RANBP2: variants seen among roughly 807,000 people sequenced by gnomAD.
The protein encoded by RANBP2 is E3 SUMO-protein ligase RanBP2.
In RANBP2, 57 loss-of-function variants were observed where a neutral mutation model predicts 303.6. The ratio of observed to expected loss-of-function variants is 0.19; its 90% confidence interval spans 0.15 to 0.23. The LOEUF is 0.23. Among genes scored for constraint, RANBP2 ranks in the 10% least tolerant of loss-of-function variants. The probability of loss-of-function intolerance (pLI) is 1.00; values close to 1 mark genes in which losing one functional copy is unlikely to be tolerated. For synonymous variants in RANBP2, 1,167 were observed against 1,301.5 expected, an observed-to-expected ratio of 0.90 and a Z score of 2.23; for missense variants, 3,138 against 3,780.8, an observed-to-expected ratio of 0.83 and a Z score of 4.46.
the RANBP2 span, among the ~76,000 whole-genome samples, chr2:109,478,389 G>A: frequency 6.6e-6 from 1 of 152,170 alleles, no homozygotes; most frequent in East Asian, 1.9e-4. Context: ...AAATCAAGAT[G>A]GGCCCTCCAG....
At chr2:109,003,035 G>A in the RANBP2 span, among the ~76,000 whole-genome samples, 2 of 151,678 alleles carry the variant, frequency 1.3e-5, no homozygotes, top group Admixed American at 6.6e-5. Context: ...GTGAAACCCC[G>A]TCTCTACGAA....
chr2:108,958,648 G>A, the RANBP2 span, among the ~76,000 whole-genome samples: 2 of 152,192 alleles, frequency 1.3e-5, no homozygotes, highest in Non-Finnish European at 2.9e-5. Flanking sequence ...CCAGGAGTCA[G>A]TCTCTGTAGT....
chr2:108,928,684 G>A, the RANBP2 span, among the ~76,000 whole-genome samples: 1 of 152,168 alleles, frequency 6.6e-6, no homozygotes, highest in South Asian at 2.1e-4. Context: ...GAGGTGTCAT[G>A]CCTGGAAAAA....
At chr2:109,139,225 T>G in the RANBP2 span, among the ~76,000 whole-genome samples, 1 of 152,230 alleles carries the variant, frequency 6.6e-6, no homozygotes, top group South Asian at 2.1e-4. Context: ...CCAGATGTGT[T>G]TGCATGAGAA....
the RANBP2 span, among the ~76,000 whole-genome samples, chr2:109,339,763 C>T: frequency 3.3e-5 from 5 of 152,206 alleles, no homozygotes; most frequent in Admixed American, 3.3e-4. Flanking sequence ...CATGGGATCT[C>T]TTCCCAGAAA....
At chr2:109,649,147 A>G in the RANBP2 span, among the ~76,000 whole-genome samples, 12 of 152,316 alleles carry the variant, frequency 7.9e-5, no homozygotes, top group African/African-American at 2.6e-4. Flanking sequence ...ATTGCAAACT[A>G]GGAAATAAAC....
chr2:108,916,892 G>C, the RANBP2 span, among the ~76,000 whole-genome samples: 1 of 152,168 alleles, frequency 6.6e-6, no homozygotes, highest in Non-Finnish European at 1.5e-5. Flanking sequence ...GACTGGTCAG[G>C]AGAATCACAG....
the RANBP2 span, among the ~76,000 whole-genome samples, chr2:109,141,948 G>A: frequency 4.1e-4 from 63 of 152,164 alleles, no homozygotes; most frequent in Non-Finnish European, 7.1e-4. Context: ...TACACTCACG[G>A]AAGTCTCAAA....
the RANBP2 span, among the ~76,000 whole-genome samples, chr2:109,275,524 T>C: frequency 7.2e-5 from 11 of 152,256 alleles, no homozygotes; most frequent in South Asian, 2.3e-3. Context: ...GATGACCTAG[T>C]TGACTAGAAA....
chr2:109,207,752 A>G, the RANBP2 span, among the ~76,000 whole-genome samples: 1 of 151,878 alleles, frequency 6.6e-6, no homozygotes, highest in South Asian at 2.1e-4. Flanking sequence ...TATGTTGTAA[A>G]TTGCTAAAAT....
At chr2:109,610,817 T>C in the RANBP2 span, among the ~76,000 whole-genome samples, 1 of 152,230 alleles carries the variant, frequency 6.6e-6, no homozygotes, top group East Asian at 1.9e-4. Context: ...AAACATTTAA[T>C]GTAATTCCTC....
At chr2:108,736,305 G>C in intron 6 of RANBP2, 56 bp downstream of exon 6, 7 of 1,611,788 alleles carry the variant, frequency 4.3e-6, no homozygotes, top group African/African-American at 1.3e-5. Context: ...TCTTTTTGCA[G>C]TAAGTTCATT....
the RANBP2 span, among the ~76,000 whole-genome samples, chr2:109,587,451 G>T: frequency 6.6e-6 from 1 of 152,000 alleles, no homozygotes; most frequent in Non-Finnish European, 1.5e-5. Flanking sequence ...AGGTGAAAGT[G>T]GGGGGTAGGA....
At chr2:109,398,297 A>G in the RANBP2 span, among the ~76,000 whole-genome samples, 1 of 152,128 alleles carries the variant, frequency 6.6e-6, no homozygotes. Flanking sequence ...CATCCCAGAA[A>G]TGGCCAGCAG....
the RANBP2 span, among the ~76,000 whole-genome samples, chr2:108,843,114 A>G: frequency 2.6e-5 from 4 of 151,434 alleles, no homozygotes; most frequent in African/African-American, 4.9e-5. Flanking sequence ...ATTATATCCT[A>G]TCTATCTGTT....
the RANBP2 span, among the ~76,000 whole-genome samples, chr2:109,491,363 G>A: frequency 6.6e-6 from 1 of 152,148 alleles, no homozygotes; most frequent in Non-Finnish European, 1.5e-5. Context: ...AACCCACTCG[G>A]CGTCTTAGAA....
intron 23 of RANBP2, among the ~76,000 whole-genome samples, chr2:108,773,736 T>A (rs917465664): frequency 1.3e-5 from 2 of 151,816 alleles, no homozygotes; most frequent in Non-Finnish European, 2.9e-5. Context: ...AACCTCTGCC[T>A]CCCAGGTTCA....
chr2:109,715,822 G>C, the RANBP2 span, among the ~76,000 whole-genome samples: 1 of 152,156 alleles, frequency 6.6e-6, no homozygotes, highest in African/African-American at 2.4e-5. Flanking sequence ...AGCCATTTGA[G>C]CTATGTGCCA....
chr2:109,691,692 A>G, the RANBP2 span, among the ~76,000 whole-genome samples: 2 of 152,102 alleles, frequency 1.3e-5, no homozygotes, highest in Non-Finnish European at 2.9e-5. Context: ...ACAAATCTAT[A>G]GAGTAAAACA....
Sources: gnomAD v4.1 joint callset for allele counts (sites outside exome capture counted in the v4.1 genomes callset) on GRCh38, gnomAD v4.1.1 for gene constraint, MANE v1.5 for transcripts, NCBI Gene and HGNC (gene_info 2026-07-23, HGNC 2026-07-21) for gene names.